The following PCDHA10 variants were observed in gnomAD, a reference collection of about 807,000 sequenced individuals.
PCDHA10 encodes protocadherin alpha 10, also known as protocadherin alpha-10.
A neutral mutation model predicts 61.2 loss-of-function variants in PCDHA10; 45 were observed. That is an observed-to-expected ratio of 0.74 (90% CI 0.58 to 0.94). The LOEUF is 0.94. PCDHA10 is among the 40% of genes least tolerant of loss of function. The pLI, the probability that PCDHA10 is intolerant of heterozygous loss-of-function variation, is 0.00. For missense variants in PCDHA10, 1,278 were observed against 1,236.2 expected, an observed-to-expected ratio of 1.03 and a Z score of -0.51; for synonymous variants, 602 against 548.8, an observed-to-expected ratio of 1.10 and a Z score of -1.35.
Position 140,856,729 on chromosome 5 carries a change from G to T in PCDHA10, c.681G>T (p.Leu227=). The change falls in exon 1 of 4, where the codon CTG becomes CTT. Residue 227 remains leucine (L), a synonymous_variant. Coordinates refer to ENST00000307360, the MANE Select transcript of PCDHA10 (RefSeq NM_018901.4). ...CTGAATTTACCGGATCTGTTTCTCT[G>T]CTGATCCTGGTGTTAGATGCCAATG... ...GKPEFTGSVS[L]LILVLDANDN... 2 of 1,595,560 alleles carry T rather than the reference G, an allele frequency of 1.3e-6. No homozygotes were observed. The highest frequency in any genetic ancestry group is 2.2e-5 in the East Asian group (1 of 44,864).
At chr5:140,875,903 A>G in intron 1 of PCDHA10, 1 of 1,614,184 alleles carries the variant, frequency 6.2e-7, no homozygotes, top group Non-Finnish European at 8.5e-7. Context: ...CCTGTTTCTG[A>G]ATCTGCGCCT....
intron 1 of PCDHA10, among the ~76,000 whole-genome samples, chr5:140,908,003 C>G (rs1325602233): frequency 1.3e-5 from 2 of 152,164 alleles, no homozygotes; most frequent in Non-Finnish European, 2.9e-5. Context: ...ACCATCCAGC[C>G]AAACCACTGG....
intron 1 of PCDHA10, 22 bp from the exon 2 acceptor site, chr5:140,978,924 GAAA>G (rs781894146): frequency 6.2e-7 from 1 of 1,614,012 alleles, no homozygotes; most frequent in East Asian, 2.2e-5. Flanking sequence ...CATTTTAACA[GAAA>G]ACTCTCTTTG....
At chr5:140,963,397 G>A (rs1190925238) in intron 1 of PCDHA10, among the ~76,000 whole-genome samples, 1 of 152,160 alleles carries the variant, frequency 6.6e-6, no homozygotes, top group Admixed American at 6.5e-5. Context: ...GCTCCCTACT[G>A]GATGCTGTAG....
rs1255699815 is a variant in PCDHA10, at chr5:140,984,173, C to T, written c.2536+1610C>T. On this transcript the variant is annotated intron_variant, in intron 3 of 3. Transcript: ENST00000307360. The stretch of plus-strand genomic sequence containing the variant: ...AGGTGAGAACTTCCCAAAGAAGCCA[C>T]GTGAAATCATGACTTTCTACCTTGC... Among the ~76,000 whole-genome samples, 5 of 152,166 alleles carry T rather than the reference C, an allele frequency of 3.3e-5. No individual in the cohort carries two copies. The South Asian group carries it at 6.2e-4, about 19-fold the overall frequency.
At chr5:140,921,435 A>C (rs997660613) in intron 1 of PCDHA10, among the ~76,000 whole-genome samples, 4 of 152,120 alleles carry the variant, frequency 2.6e-5, no homozygotes, top group African/African-American at 4.8e-5. Flanking sequence ...ATTTTCTTCA[A>C]TGGTGTCTGA....
chr5:140,996,217 T>C (rs2097717491), intron 3 of PCDHA10, among the ~76,000 whole-genome samples: 1 of 152,192 alleles, frequency 6.6e-6, no homozygotes, highest in South Asian at 2.1e-4. Context: ...TCACTACTTG[T>C]CTAGAAATGG....
At chr5:140,884,439 C>T (rs1554181562) in intron 1 of PCDHA10, 1 of 1,613,818 alleles carries the variant, frequency 6.2e-7, no homozygotes, top group Non-Finnish European at 8.5e-7. Flanking sequence ...CTGCGGTGCT[C>T]GGCACCGCCC....
chr5:140,887,357 A>T (rs112910602), intron 1 of PCDHA10, among the ~76,000 whole-genome samples: 12,309 of 152,126 alleles, frequency 0.081, 539 homozygotes, highest in Middle Eastern at 0.13. Context: ...CGGCCTCCCA[A>T]AGTGCTGGGA....
At chr5:140,919,014 A>G (rs1008657889) in intron 1 of PCDHA10, among the ~76,000 whole-genome samples, 1 of 152,184 alleles carries the variant, frequency 6.6e-6, no homozygotes, top group Non-Finnish European at 1.5e-5. Context: ...TTCATTTCCT[A>G]GTGATCTTCT....
At chr5:141,005,944 C>T (rs1563696119) in intron 3 of PCDHA10, among the ~76,000 whole-genome samples, 1 of 151,862 alleles carries the variant, frequency 6.6e-6, no homozygotes, top group African/African-American at 2.4e-5. Context: ...GAGAACCTAT[C>T]TCTAACAAAC....
chr5:140,927,422 T>G, intron 1 of PCDHA10: 1 of 1,614,028 alleles, frequency 6.2e-7, no homozygotes. Context: ...GGATCGCGGG[T>G]TGACGGCAGC....
At chr5:140,884,254 G>A (rs1554181387) in intron 1 of PCDHA10, 2 of 1,613,406 alleles carry the variant, frequency 1.2e-6, no homozygotes, top group Admixed American at 1.7e-5. Flanking sequence ...TGACGGCCAC[G>A]GCAACGGTGC....
chr5:140,903,273 T>G (rs1213268192), intron 1 of PCDHA10, among the ~76,000 whole-genome samples: 2 of 152,228 alleles, frequency 1.3e-5, no homozygotes, highest in Non-Finnish European at 2.9e-5. Flanking sequence ...AGTGAGGTAG[T>G]GTCTCATTGT....
At position 141,010,146 on chromosome 5, in the gene PCDHA10, C is replaced by A. The variant is rs782795358; in HGVS notation, c.*209C>A. 1 of 1,584,410 alleles carries A rather than the reference C, an allele frequency of 6.3e-7. No individual in the cohort carries two copies. Among genetic ancestry groups the A allele is most frequent in the Non-Finnish European group, 8.6e-7 (1 of 1,164,258 alleles). The stretch of plus-strand genomic sequence containing the variant: ...TAAGTCTGGTGTTAACTCTTTCTCT[C>A]CACTCTGGCTTGTTTTCAGAACCTA... On this transcript the variant is annotated 3_prime_UTR_variant, in exon 4 of 4. Transcript: ENST00000307360.
intron 3 of PCDHA10, among the ~76,000 whole-genome samples, chr5:140,988,517 T>C (rs184897922): frequency 3.0e-3 from 461 of 152,278 alleles, no homozygotes; most frequent in Middle Eastern, 0.014. Context: ...CTTACTTAAG[T>C]CTCTGCTGGC....
intron 1 of PCDHA10, among the ~76,000 whole-genome samples, chr5:140,889,361 T>C (rs1005398759): frequency 2.0e-5 from 3 of 152,106 alleles, no homozygotes; most frequent in Non-Finnish European, 4.4e-5. Context: ...GATTACTGAC[T>C]CAATTTTAAT....
chr5:140,929,162 G>T (rs2153599635), intron 1 of PCDHA10: 4 of 1,614,060 alleles, frequency 2.5e-6, no homozygotes, highest in Non-Finnish European at 3.4e-6. Context: ...TATCTCTATC[G>T]GGCCTCTCTG....
chr5:140,908,142 A>T (rs1371459142), intron 1 of PCDHA10, among the ~76,000 whole-genome samples: 1 of 152,158 alleles, frequency 6.6e-6, no homozygotes, highest in East Asian at 1.9e-4. Context: ...TCCTTCAGGT[A>T]TGTCCTAGGA....
Sources: allele counts gnomAD v4.1 joint callset (sites outside exome capture counted in the v4.1 genomes callset), GRCh38; gene constraint gnomAD v4.1.1; transcripts MANE v1.5; gene names NCBI Gene and HGNC (gene_info 2026-07-23, HGNC 2026-07-21).